The following PCDHGA5 variants were observed in gnomAD, a reference collection of about 807,000 sequenced individuals.
PCDHGA5 encodes protocadherin gamma subfamily A, 5, also known as protocadherin gamma-A5.
PCDHGA5 carries 36 observed loss-of-function variants against 56.7 expected under a neutral mutation model. The ratio of observed to expected loss-of-function variants is 0.64; its 90% CI spans 0.49 to 0.84. PCDHGA5 has a LOEUF of 0.84. PCDHGA5 is among the 40% of genes least tolerant of loss of function. The pLI is 0.00. For missense variants in PCDHGA5, 1,305 were observed against 1,201.5 expected (o/e 1.09, Z -1.27); for synonymous variants, 563 against 520.2 (o/e 1.08, Z -1.12).
Position 141,431,478 on chromosome 5 carries a change from C to T in PCDHGA5, c.2422-63329C>T, listed in dbSNP as rs1163422580. On this transcript the variant is annotated intron_variant, in intron 1 of 3. Coordinates refer to ENST00000518069, the MANE Select transcript of PCDHGA5 (RefSeq NM_018918.3). The surrounding 1 kb of genome is among the most constrained non-coding windows in gnomAD (Gnocchi z 4.8). ...GTTCTGGATGCGAACGACAACGCAC[C>T]AGCGTTTGCTCAGCCCGAGTACCGC... The T allele has an allele frequency of 6.2e-7, 1 of 1,613,748 alleles. No individual in the cohort carries two copies. The highest frequency in any genetic ancestry group is 8.5e-7 in the Non-Finnish European group (1 of 1,179,976).
intron 1 of PCDHGA5, chr5:141,398,933 A>C: frequency 1.2e-6 from 2 of 1,614,010 alleles, no homozygotes; most frequent in Non-Finnish European, 1.7e-6. Context: ...GCCACTGACC[A>C]AGACGAGGGC....
At chr5:141,394,371 T>C (rs753598001) in intron 1 of PCDHGA5, 5 of 1,614,056 alleles carry the variant, frequency 3.1e-6, no homozygotes, top group Non-Finnish European at 4.2e-6. Context: ...GCTGCAATCT[T>C]TCGACTATGA....
In PCDHGA5 at chr5:141,489,094, G is replaced by T; in HGVS notation, c.2422-5713G>T. The T allele has an allele frequency of 1.5e-5, 6 of 395,994 alleles. No homozygotes were observed. The highest frequency in any genetic ancestry group is 4.1e-5 in the East Asian group (1 of 24,388). The allele number at this position is 395,994 out of a possible 1,614,324, so 24.5% of individuals were successfully genotyped here. ...CCCACCCCCGCCACTCGGTGACTAA[G>T]AACTGCTGCAAGCAGGCAAACCTCC... On this transcript the variant is annotated intron_variant, in intron 1 of 3. Coordinates refer to ENST00000518069, the MANE Select transcript of PCDHGA5 (RefSeq NM_018918.3). This position sits in a 1 kb window ranked among gnomAD's most constrained non-coding sequence, Gnocchi z 4.5.
intron 1 of PCDHGA5, among the ~76,000 whole-genome samples, chr5:141,454,476 A>G (rs918910449): frequency 6.6e-6 from 1 of 151,806 alleles, no homozygotes; most frequent in Non-Finnish European, 1.5e-5. Flanking sequence ...GCATGATCTC[A>G]GCTCACCGCA....
intron 1 of PCDHGA5, chr5:141,388,133 G>C: frequency 6.9e-7 from 1 of 1,450,894 alleles, no homozygotes. Flanking sequence ...AGAGCGGGGA[G>C]TTGCTTGTGA....
rs1332652972 is a variant in PCDHGA5, at chr5:141,432,381, C to T, written c.2422-62426C>T. On this transcript the variant is annotated intron_variant, in intron 1 of 3. Transcript: ENST00000518069. The surrounding 1 kb of genome is among the most constrained non-coding windows in gnomAD (Gnocchi z 6.0). ...ATGGCGCGGGACAACGGGCACCCGCCCCTCAGCAGCAACGTGTCGTTGAGC... is the reference window on the plus strand; with the variant it reads ...ATGGCGCGGGACAACGGGCACCCGCTCCTCAGCAGCAACGTGTCGTTGAGC... 1 of 1,614,256 alleles carries T rather than the reference C, an allele frequency of 6.2e-7. No homozygotes were observed. The highest frequency in any genetic ancestry group is 1.1e-5 in the South Asian group (1 of 91,082).
At chr5:141,460,829 A>C (rs1242954704) in intron 1 of PCDHGA5, among the ~76,000 whole-genome samples, 1 of 151,944 alleles carries the variant, frequency 6.6e-6, no homozygotes, top group African/African-American at 2.4e-5. Flanking sequence ...ATACACACTT[A>C]AAGTAATGGC....
chr5:141,370,738 A>G, intron 1 of PCDHGA5: 2 of 1,613,902 alleles, frequency 1.2e-6, no homozygotes, highest in Non-Finnish European at 1.7e-6. Context: ...AAGCCTTTAA[A>G]CTTTTTTCAT....
chr5:141,397,438 G>A (rs1330293325), intron 1 of PCDHGA5, among the ~76,000 whole-genome samples: 5 of 152,140 alleles, frequency 3.3e-5, no homozygotes, highest in Admixed American at 2.6e-4. Context: ...CCTAATATGT[G>A]TAATATAAAA....
chr5:141,404,617 G>A (rs760355068), intron 1 of PCDHGA5: 4 of 1,614,032 alleles, frequency 2.5e-6, no homozygotes, highest in Non-Finnish European at 2.5e-6. Flanking sequence ...TTTTGGACCA[G>A]AATGACAATG....
rs1158003183 is a variant in PCDHGA5, at chr5:141,397,388, G to A, written c.2421+30637G>A. Among the ~76,000 whole-genome samples the A allele has an allele frequency of 3.9e-5, 6 of 152,232 alleles. No individual in the cohort carries two copies. In the East Asian group the frequency reaches 1.2e-3, roughly 29 times the overall value. Reference sequence around the variant, plus strand: ...GATGTTTGGGGATTGGTATAAAATTGCCACAACTTTACAAAATAGTTTTAA... The same window carrying A: ...GATGTTTGGGGATTGGTATAAAATTACCACAACTTTACAAAATAGTTTTAA... On this transcript the variant is annotated intron_variant, in intron 1 of 3. Transcript: ENST00000518069.
intron 1 of PCDHGA5, among the ~76,000 whole-genome samples, chr5:141,458,227 G>T (rs2154566190): frequency 6.6e-6 from 1 of 152,284 alleles, no homozygotes; most frequent in South Asian, 2.1e-4. Context: ...TCCTTTCCCA[G>T]TCCATGCACC....
intron 2 of PCDHGA5, among the ~76,000 whole-genome samples, chr5:141,503,077 T>C (rs902429288): frequency 6.6e-6 from 1 of 151,810 alleles, no homozygotes; most frequent in African/African-American, 2.4e-5. Flanking sequence ...ATGGTCTCGA[T>C]CTCCTGACCT....
intron 1 of PCDHGA5, among the ~76,000 whole-genome samples, chr5:141,484,597 A>C (rs1345278081): frequency 1.3e-5 from 2 of 152,070 alleles, no homozygotes; most frequent in African/African-American, 4.8e-5. Flanking sequence ...CTCATTTAGA[A>C]TACTGGTTGA....
chr5:141,384,717 C>T (rs575459465), intron 1 of PCDHGA5: 3 of 1,614,166 alleles, frequency 1.9e-6, no homozygotes, highest in African/African-American at 2.7e-5. Flanking sequence ...GGCTGTCATA[C>T]CTCCTGCTTA....
chr5:141,408,773 T>C, intron 1 of PCDHGA5: 1 of 1,611,652 alleles, frequency 6.2e-7, no homozygotes, highest in Non-Finnish European at 8.5e-7. Flanking sequence ...TGGTGGCAAA[T>C]ACCCAGAGTT....
chr5:141,503,812 G>C (rs2099831825), intron 2 of PCDHGA5, among the ~76,000 whole-genome samples: 1 of 152,114 alleles, frequency 6.6e-6, no homozygotes, highest in South Asian at 2.1e-4. Context: ...GGGAATCCCA[G>C]ATTGGGCAAA....
At chr5:141,377,774 A>T (rs1279958954) in intron 1 of PCDHGA5, 1 of 152,232 alleles carries the variant, frequency 6.6e-6, no homozygotes, top group Non-Finnish European at 1.5e-5. Context: ...TTGGTGTTAA[A>T]AGACCTGAAT....
At chr5:141,468,853 G>C (rs893773356) in intron 1 of PCDHGA5, among the ~76,000 whole-genome samples, 5 of 150,898 alleles carry the variant, frequency 3.3e-5, no homozygotes, top group Non-Finnish European at 7.4e-5. Flanking sequence ...GCAACAGAGC[G>C]AGACTCCATC....
Sources: gnomAD v4.1 joint callset for allele counts (sites outside exome capture counted in the v4.1 genomes callset) on GRCh38, gnomAD v4.1.1 for gene constraint, Gnocchi (gnomAD v3.1) non-coding constraint, MANE v1.5 for transcripts, NCBI Gene and HGNC (gene_info 2026-07-23, HGNC 2026-07-21) for gene names.